CACNA2D1: variants seen among roughly 807,000 people sequenced by gnomAD.
CACNA2D1 encodes calcium voltage-gated channel auxiliary subunit alpha2delta 1, also known as voltage-dependent calcium channel subunit alpha-2/delta-1.
Under a neutral mutation model 171.5 loss-of-function variants are expected in CACNA2D1, and 53 were observed. That is an observed-to-expected ratio of 0.31 (90% CI 0.25 to 0.39). The LOEUF (loss-of-function observed/expected upper bound fraction) is 0.39, where lower values mean the gene tolerates loss of function less well. CACNA2D1 is among the 10% of genes least tolerant of loss of function. CACNA2D1 has a pLI of 1.00. For synonymous variants in CACNA2D1, 442 were observed against 443.1 expected, an observed-to-expected ratio of 1.00 and a Z score of 0.03; for missense variants, 903 against 1,299.8, an observed-to-expected ratio of 0.69 and a Z score of 4.69.
chr7:82,359,314 T>C (rs1242520945), intron 1 of CACNA2D1, among the ~76,000 whole-genome samples: 1 of 152,232 alleles, frequency 6.6e-6, no homozygotes, highest in African/African-American at 2.4e-5. Context: ...TTAATTATTA[T>C]TTAATTACCA....
At chr7:82,332,804 T>C (rs1036053039) in intron 3 of CACNA2D1, among the ~76,000 whole-genome samples, 142 of 152,176 alleles carry the variant, frequency 9.3e-4, no homozygotes, top group African/African-American at 3.1e-3. Flanking sequence ...GTTAAAGGCT[T>C]GCCTGGGCAA....
chr7:82,022,694 C>T (rs902731319), intron 12 of CACNA2D1, among the ~76,000 whole-genome samples: 2 of 151,918 alleles, frequency 1.3e-5, no homozygotes, highest in Non-Finnish European at 2.9e-5. Flanking sequence ...TTAGATTTTA[C>T]AAACTATTGA....
intron 6 of CACNA2D1, among the ~76,000 whole-genome samples, chr7:82,106,192 C>A (rs1217794540): frequency 6.6e-6 from 1 of 152,040 alleles, no homozygotes; most frequent in Admixed American, 6.5e-5. Flanking sequence ...CTTTTAAATG[C>A]CTTTCTACCT....
chr7:81,976,193 C>T (rs1470621339), intron 24 of CACNA2D1, among the ~76,000 whole-genome samples: 1 of 152,032 alleles, frequency 6.6e-6, no homozygotes, highest in Non-Finnish European at 1.5e-5. Flanking sequence ...ATGTCTCTAG[C>T]TTTGTTCTTT....
chr7:82,399,790 C>T (rs1826159049), intron 1 of CACNA2D1, among the ~76,000 whole-genome samples: 1 of 148,716 alleles, frequency 6.7e-6, no homozygotes, highest in Admixed American at 7.0e-5. Context: ...AAATGGGGCA[C>T]TTGGGAGACA....
intron 29 of CACNA2D1, among the ~76,000 whole-genome samples, chr7:81,968,404 C>G (rs929740971): frequency 1.3e-5 from 2 of 151,354 alleles, no homozygotes; most frequent in Non-Finnish European, 3.0e-5. Flanking sequence ...TATTTTATAG[C>G]AAGTTTTTAA....
intron 10 of CACNA2D1, among the ~76,000 whole-genome samples, chr7:82,055,094 G>T (rs1186725797): frequency 6.6e-6 from 1 of 152,134 alleles, no homozygotes; most frequent in Non-Finnish European, 1.5e-5. Context: ...GAGAATCTCA[G>T]AATTATAAAG....
At chr7:81,998,248 A>G (rs1305779923) in intron 18 of CACNA2D1, among the ~76,000 whole-genome samples, 1 of 152,032 alleles carries the variant, frequency 6.6e-6, no homozygotes, top group Non-Finnish European at 1.5e-5. Flanking sequence ...AATTTTAGAA[A>G]CTGAATTTTT....
chr7:82,102,642 T>A (rs1324130723), intron 6 of CACNA2D1, among the ~76,000 whole-genome samples: 1 of 152,138 alleles, frequency 6.6e-6, no homozygotes, highest in Non-Finnish European at 1.5e-5. Flanking sequence ...ATGTTTTCAT[T>A]CAACGAAGGA....
intron 6 of CACNA2D1, among the ~76,000 whole-genome samples, chr7:82,096,008 TTAAG>T (rs1811820828): frequency 6.6e-6 from 1 of 152,256 alleles, no homozygotes; most frequent in Non-Finnish European, 1.5e-5. Flanking sequence ...AAGCTTCTTG[TTAAG>T]TATTTCCCAA....
chr7:81,964,030 C>T (rs771649174), intron 34 of CACNA2D1, 26 bp downstream of exon 34: 13 of 1,595,238 alleles, frequency 8.1e-6, no homozygotes, highest in Non-Finnish European at 1.1e-5. Flanking sequence ...TCTTTCATTA[C>T]CAATAAAACT....
intron 1 of CACNA2D1, among the ~76,000 whole-genome samples, chr7:82,361,286 C>A (rs1368454640): frequency 1.3e-5 from 2 of 152,156 alleles, no homozygotes; most frequent in African/African-American, 4.8e-5. Flanking sequence ...TTTTACCAAA[C>A]TGTTTTTCAC....
At chr7:82,027,283 A>C (rs1299148883) in intron 12 of CACNA2D1, among the ~76,000 whole-genome samples, 1 of 151,738 alleles carries the variant, frequency 6.6e-6, no homozygotes, top group Non-Finnish European at 1.5e-5. Context: ...GCCTGTACCT[A>C]AATATCTCAA....
intron 3 of CACNA2D1, among the ~76,000 whole-genome samples, chr7:82,313,920 C>T (rs1013860438): frequency 6.6e-6 from 1 of 152,046 alleles, no homozygotes; most frequent in Non-Finnish European, 1.5e-5. Flanking sequence ...AAAATCAGCA[C>T]TAAAAAATAA....
chr7:82,204,305 C>G (rs1198348437), intron 3 of CACNA2D1, among the ~76,000 whole-genome samples: 1 of 152,146 alleles, frequency 6.6e-6, no homozygotes, highest in Non-Finnish European at 1.5e-5. Context: ...GAGTCTTAGC[C>G]TTGTGGTTAA....
At position 82,260,818 on chromosome 7, in the gene CACNA2D1, A is replaced by C. The variant is rs1806977324; in HGVS notation, c.294+74317T>G. On this transcript the variant is annotated intron_variant, in intron 3 of 38. Coordinates refer to ENST00000356860, the MANE Select transcript of CACNA2D1 (RefSeq NM_000722.4). ...AATATTAGTTCCAAAAGGCATTATAATGAACTAGACTCAACAAACTTAAAT... is the reference window on the plus strand; with the variant it reads ...AATATTAGTTCCAAAAGGCATTATACTGAACTAGACTCAACAAACTTAAAT... 3.3e-5 allele frequency among the ~76,000 whole-genome samples: 5 copies of C among 152,222 alleles called. No homozygotes were observed. The South Asian group carries it at 1.0e-3, about 31-fold the overall frequency.
At chr7:82,398,930 T>C (rs988761852) in intron 1 of CACNA2D1, among the ~76,000 whole-genome samples, 1 of 151,860 alleles carries the variant, frequency 6.6e-6, no homozygotes, top group Non-Finnish European at 1.5e-5. Flanking sequence ...CTTCCTTCCA[T>C]CCTTCTTTCC....
intron 12 of CACNA2D1, among the ~76,000 whole-genome samples, chr7:82,026,894 A>G (rs1801994488): frequency 6.6e-6 from 1 of 151,838 alleles, no homozygotes; most frequent in African/African-American, 2.4e-5. Flanking sequence ...TATACTCAAA[A>G]GTATAACTGA....
At chr7:82,375,589 G>C (rs914517877) in intron 1 of CACNA2D1, among the ~76,000 whole-genome samples, 3 of 152,076 alleles carry the variant, frequency 2.0e-5, no homozygotes, top group African/African-American at 4.8e-5. Flanking sequence ...CCACTCATTG[G>C]TCCACTTAAT....
Sources: gnomAD v4.1 joint callset for allele counts (sites outside exome capture counted in the v4.1 genomes callset) on GRCh38, gnomAD v4.1.1 for gene constraint, MANE v1.5 for transcripts, NCBI Gene and HGNC (gene_info 2026-07-23, HGNC 2026-07-21) for gene names.